ARHGAP24: variants seen among roughly 807,000 people sequenced by gnomAD.
The protein encoded by ARHGAP24 is rho GTPase-activating protein 24.
A neutral mutation model predicts 76.4 loss-of-function variants in ARHGAP24; 50 were observed. That is an observed-to-expected ratio of 0.65 (90% confidence interval 0.52 to 0.83). The LOEUF is 0.83. Among genes scored for constraint, ARHGAP24 ranks in the 40% least tolerant of loss-of-function variants. The pLI, the probability that ARHGAP24 is intolerant of heterozygous loss-of-function variation, is 0.00. For synonymous variants in ARHGAP24, 345 were observed against 323.3 expected, an observed-to-expected ratio of 1.07 and a Z score of -0.72; for missense variants, 930 against 914.2, an observed-to-expected ratio of 1.02 and a Z score of -0.22.
chr4:85,535,201 C>T (rs758609780), intron 1 of ARHGAP24, among the ~76,000 whole-genome samples: 4 of 152,156 alleles, frequency 2.6e-5, no homozygotes, highest in Non-Finnish European at 5.9e-5. Context: ...GTAAATAAAT[C>T]ACACCTTTTT....
At chr4:85,785,570 C>T (rs1727798969) in intron 3 of ARHGAP24, among the ~76,000 whole-genome samples, 2 of 151,882 alleles carry the variant, frequency 1.3e-5, no homozygotes, top group Admixed American at 1.3e-4. Context: ...TTACAAACTA[C>T]ATAACGCAAA....
At chr4:85,521,821 A>G (rs999754047) in intron 1 of ARHGAP24, among the ~76,000 whole-genome samples, 7 of 152,146 alleles carry the variant, frequency 4.6e-5, no homozygotes, top group Non-Finnish European at 1.0e-4. Context: ...CTTGCTAGAG[A>G]TATTTCTACC....
In ARHGAP24 at chr4:85,535,451, G is replaced by A. The variant is rs113715115; in HGVS notation, c.-20-35071G>A. Among the ~76,000 whole-genome samples, 1,491 of 152,288 alleles carry A rather than the reference G, an allele frequency of 9.8e-3. 14 individuals are homozygous for A. The highest frequency in any genetic ancestry group is 0.019 in the South Asian group (91 of 4,822). On this transcript the variant is annotated intron_variant, in intron 1 of 9. Coordinates refer to ENST00000395184, the MANE Select transcript of ARHGAP24 (RefSeq NM_001025616.3). ...TTGGTAGTACACAAATTAAAGTTCC[G>A]AAGAGCTCAGGGAGGTCTAGAGATA...
chr4:85,900,755 A>G (rs1297328439), intron 3 of ARHGAP24, among the ~76,000 whole-genome samples: 1 of 152,142 alleles, frequency 6.6e-6, no homozygotes, highest in African/African-American at 2.4e-5. Context: ...CCACAAAGGC[A>G]AGGGATTCTC....
chr4:85,896,878 A>G (rs1734207393), intron 3 of ARHGAP24, among the ~76,000 whole-genome samples: 1 of 152,178 alleles, frequency 6.6e-6, no homozygotes, highest in Admixed American at 6.5e-5. Context: ...TCATGCTCCC[A>G]TAGTAGAGCA....
At chr4:85,494,691 T>C (rs529227912) in intron 1 of ARHGAP24, among the ~76,000 whole-genome samples, 1 of 146,452 alleles carries the variant, frequency 6.8e-6, no homozygotes, top group Non-Finnish European at 1.5e-5. Context: ...AAAAAAAAAA[T>C]AAAAAATAAA....
At chr4:85,698,765 C>T (rs2110023913) in intron 2 of ARHGAP24, among the ~76,000 whole-genome samples, 2 of 152,320 alleles carry the variant, frequency 1.3e-5, no homozygotes, top group South Asian at 4.1e-4. Context: ...CTAGCAAGGA[C>T]ACTCTTTGAT....
At chr4:85,925,840 G>A (rs1735992299) in intron 4 of ARHGAP24, among the ~76,000 whole-genome samples, 1 of 152,086 alleles carries the variant, frequency 6.6e-6, no homozygotes, top group South Asian at 2.1e-4. Flanking sequence ...CAGGGTAAAG[G>A]GTTTGTGGGG....
chr4:85,917,634 G>C (rs1283383302), intron 3 of ARHGAP24, among the ~76,000 whole-genome samples: 2 of 152,076 alleles, frequency 1.3e-5, no homozygotes, highest in Non-Finnish European at 2.9e-5. Context: ...ATCTCACTGT[G>C]GTTTTGATTT....
intron 2 of ARHGAP24, among the ~76,000 whole-genome samples, chr4:85,618,245 T>C (rs939895327): frequency 2.6e-5 from 4 of 152,190 alleles, no homozygotes; most frequent in African/African-American, 7.2e-5. Flanking sequence ...TCATGTAGTA[T>C]TGTCTTACTG....
intron 3 of ARHGAP24, among the ~76,000 whole-genome samples, chr4:85,889,687 C>G (rs1298344254): frequency 2.6e-5 from 4 of 152,190 alleles, no homozygotes; most frequent in Non-Finnish European, 2.9e-5. Context: ...CTCCAACTAT[C>G]TCACTGGTTA....
At chr4:85,731,319 T>C (rs139707029) in intron 3 of ARHGAP24, among the ~76,000 whole-genome samples, 2 of 152,324 alleles carry the variant, frequency 1.3e-5, no homozygotes, top group African/African-American at 2.4e-5. Context: ...TTCTCCTCCA[T>C]ACTCACAGTC....
intron 3 of ARHGAP24, among the ~76,000 whole-genome samples, chr4:85,856,311 A>G (rs1157507930): frequency 6.6e-6 from 1 of 152,096 alleles, no homozygotes; most frequent in Admixed American, 6.6e-5. Context: ...GTAAAAAAAA[A>G]TTATGTATAA....
intron 1 of ARHGAP24, among the ~76,000 whole-genome samples, chr4:85,527,138 G>GGCAAA (rs1257044807): frequency 1.3e-5 from 2 of 152,066 alleles, no homozygotes; most frequent in East Asian, 3.9e-4. Flanking sequence ...CATTATTCTA[G>GGCAAA]GCAAAGTTGA....
In ARHGAP24 at chr4:85,591,116, C is replaced by T. The variant is rs192815607; in HGVS notation, c.180+20395C>T. On this transcript the variant is annotated intron_variant, in intron 2 of 9. Coordinates refer to ENST00000395184, the MANE Select transcript of ARHGAP24 (RefSeq NM_001025616.3). Reference sequence around the variant, plus strand: ...CTGGTGTGCAATGGCACAATTTCAACTCACTGCCACCTCTGCCTCCCGGGT... The same window carrying T: ...CTGGTGTGCAATGGCACAATTTCAATTCACTGCCACCTCTGCCTCCCGGGT... Among the ~76,000 whole-genome samples the T allele has an allele frequency of 4.5e-5, 6 of 132,642 alleles. No homozygotes were observed. In the East Asian group the frequency reaches 1.5e-3, roughly 33 times the overall value. The allele number at this position is 132,642 out of a possible 152,430, so 87.0% of individuals were successfully genotyped here.
At chr4:85,543,734 A>G (rs1303989949) in intron 1 of ARHGAP24, among the ~76,000 whole-genome samples, 1 of 152,090 alleles carries the variant, frequency 6.6e-6, no homozygotes, top group African/African-American at 2.4e-5. Flanking sequence ...ATTGATCTGA[A>G]TGTTACATTC....
intron 9 of ARHGAP24, among the ~76,000 whole-genome samples, chr4:85,998,780 A>G (rs1431405511): frequency 6.6e-6 from 1 of 152,142 alleles, no homozygotes; most frequent in Non-Finnish European, 1.5e-5. Flanking sequence ...CTTCATAAAA[A>G]CAGTTAATGT....
chr4:85,674,440 C>T (rs982710848), intron 2 of ARHGAP24, among the ~76,000 whole-genome samples: 5 of 152,150 alleles, frequency 3.3e-5, no homozygotes, highest in African/African-American at 9.7e-5. Context: ...CAGAATAATA[C>T]AAAATCTTTT....
chr4:85,517,222 A>G (rs1459245510), intron 1 of ARHGAP24, among the ~76,000 whole-genome samples: 2 of 152,188 alleles, frequency 1.3e-5, no homozygotes, highest in Non-Finnish European at 2.9e-5. Context: ...CTCATTCACC[A>G]TTATATGTGA....
Sources: allele counts gnomAD v4.1 joint callset (sites outside exome capture counted in the v4.1 genomes callset), GRCh38; gene constraint gnomAD v4.1.1; transcripts MANE v1.5; gene names NCBI Gene and HGNC (gene_info 2026-07-23, HGNC 2026-07-21).